The following EPAS1 variants were observed in gnomAD, a reference collection of about 807,000 sequenced individuals.
EPAS1 encodes the protein endothelial PAS domain-containing protein 1.
In EPAS1, 23 loss-of-function variants were observed where a neutral mutation model predicts 87.9. That is an observed-to-expected ratio of 0.26 (90% CI 0.19 to 0.37). The LOEUF (loss-of-function observed/expected upper bound fraction) is 0.37, where lower values mean the gene tolerates loss of function less well. Among genes scored for constraint, EPAS1 ranks in the 10% least tolerant of loss-of-function variants. EPAS1 has a pLI of 1.00. For synonymous variants in EPAS1, 508 were observed against 444.3 expected, an observed-to-expected ratio of 1.14 and a Z score of -1.80; for missense variants, 1,138 against 1,120.7, an observed-to-expected ratio of 1.02 and a Z score of -0.22.
Position 46,386,091 on chromosome 2 carries a change from G to T in EPAS1, c.*1431G>T, listed in dbSNP as rs1319750964. 1 of 152,696 alleles carries T rather than the reference G, an allele frequency of 6.5e-6. No individual in the cohort carries two copies. The highest frequency in any genetic ancestry group is 2.4e-5 in the African/African-American group (1 of 41,454). The allele number at this position is 152,696 out of a possible 1,614,324, so 9.5% of individuals were successfully genotyped here. ...CTCCAGGGATGGCCCCTAGCCACAG[G>T]CCCTGGCTGAGGTCTCTGGGTCGGT... On this transcript the variant is annotated 3_prime_UTR_variant, in exon 16 of 16. Transcript: ENST00000263734.
chr2:46,309,664 A>G (rs780588542), intron 1 of EPAS1, among the ~76,000 whole-genome samples: 2 of 152,222 alleles, frequency 1.3e-5, no homozygotes, highest in Admixed American at 6.5e-5. Context: ...TTGCGTAAGT[A>G]AAATGAGAAG....
At chr2:46,378,163 T>A in intron 10 of EPAS1, 76 bp downstream of exon 10, 2 of 1,534,074 alleles carry the variant, frequency 1.3e-6, no homozygotes, top group South Asian at 2.4e-5. Flanking sequence ...TGAAGGGACA[T>A]TTGGGACAGG....
At chr2:46,343,427 G>A (rs1405938466) in intron 1 of EPAS1, among the ~76,000 whole-genome samples, 1 of 152,226 alleles carries the variant, frequency 6.6e-6, no homozygotes, top group Non-Finnish European at 1.5e-5. Context: ...TACAGTAAAT[G>A]ATAGTCTCCT....
At chr2:46,322,044 C>T (rs1006909911) in intron 1 of EPAS1, among the ~76,000 whole-genome samples, 3 of 152,038 alleles carry the variant, frequency 2.0e-5, no homozygotes, top group Non-Finnish European at 4.4e-5. Flanking sequence ...GTATAGGTAC[C>T]CTTCCCTGAA....
rs1039910825 is a variant in EPAS1 at position 46,300,264 on chromosome 2, G to A, written c.26+2327G>A. Among the ~76,000 whole-genome samples the A allele has an allele frequency of 6.6e-6, 1 of 152,220 alleles. No individual in the cohort carries two copies. The highest frequency in any genetic ancestry group is 2.4e-5 in the African/African-American group (1 of 41,446). On this transcript the variant is annotated intron_variant, in intron 1 of 15. Transcript: ENST00000263734. The surrounding 1 kb of genome is among the most constrained non-coding windows in gnomAD (Gnocchi z 4.1). ...TCTGAGTGCCTCACAAGGGCGATGT[G>A]ACAGTGAGGGGGCTCTCTGCTGATG...
chr2:46,339,981 C>A (rs893722514), intron 1 of EPAS1, among the ~76,000 whole-genome samples: 15 of 152,200 alleles, frequency 9.9e-5, no homozygotes, highest in African/African-American at 3.6e-4. Context: ...GGGATTTCAA[C>A]ATAAGTATTT....
intron 1 of EPAS1, among the ~76,000 whole-genome samples, chr2:46,329,691 G>GGCA (rs1683637130): frequency 1.3e-5 from 2 of 151,914 alleles, no homozygotes; most frequent in African/African-American, 4.8e-5. Context: ...GTGCAGTGGT[G>GGCA]GGCACCTGTA....
At chr2:46,342,863 A>G (rs940929945) in intron 1 of EPAS1, among the ~76,000 whole-genome samples, 1 of 152,132 alleles carries the variant, frequency 6.6e-6, no homozygotes, top group East Asian at 1.9e-4. Context: ...GTTTTGTTTT[A>G]TCTTTTGACT....
intron 4 of EPAS1, among the ~76,000 whole-genome samples, chr2:46,357,881 A>T (rs1325608539): frequency 6.6e-6 from 1 of 152,240 alleles, no homozygotes; most frequent in Non-Finnish European, 1.5e-5. Context: ...AACTGTGGCC[A>T]TTCAACAAAG....
At chr2:46,308,802 G>T (rs563955479) in intron 1 of EPAS1, among the ~76,000 whole-genome samples, 1 of 152,284 alleles carries the variant, frequency 6.6e-6, no homozygotes, top group East Asian at 1.9e-4. Context: ...AGCAAGATGG[G>T]GAAGTTGTGC....
rs373599061 is a variant in EPAS1, at chr2:46,347,894, C to T, written c.217+831C>T. On this transcript the variant is annotated intron_variant, in intron 2 of 15. Transcript: ENST00000263734. The surrounding 1 kb of genome is among the most constrained non-coding windows in gnomAD (Gnocchi z 4.2). Reference sequence around the variant, plus strand: ...GGACGCTGGGCAACGAGTTGTGCTCCTCCCCACCTGGTCTGGTGCCACAGG... The same window carrying T: ...GGACGCTGGGCAACGAGTTGTGCTCTTCCCCACCTGGTCTGGTGCCACAGG... 1.2e-4 allele frequency among the ~76,000 whole-genome samples: 18 copies of T among 152,314 alleles called. No homozygotes were observed. Among genetic ancestry groups the T allele is most frequent in the African/African-American group, 4.1e-4 (17 of 41,556 alleles).
At chr2:46,303,573 A>G (rs1683051986) in intron 1 of EPAS1, among the ~76,000 whole-genome samples, 1 of 152,192 alleles carries the variant, frequency 6.6e-6, no homozygotes, top group Admixed American at 6.5e-5. Context: ...GGAGACAGCT[A>G]TGACTCCAGG....
chr2:46,353,032 A>G (rs1684202510), intron 2 of EPAS1, among the ~76,000 whole-genome samples: 1 of 152,206 alleles, frequency 6.6e-6, no homozygotes, highest in South Asian at 2.1e-4. Flanking sequence ...TCTTGGGATT[A>G]CTTCAGATTT....
At position 46,385,023 on chromosome 2, in the gene EPAS1, T is replaced by C. The variant is rs545328106; in HGVS notation, c.*363T>C. 7.1e-5 allele frequency: 19 copies of C among 266,296 alleles called. No homozygotes were observed. In the East Asian group the frequency reaches 1.5e-3, roughly 21 times the overall value. The allele number at this position is 266,296 out of a possible 1,614,324, so 16.5% of individuals were successfully genotyped here. ...AGTTTGGTGCATGTCTGTTCTTCTG[T>C]AGGGAGAAGCTTTAGCTTCATTTTA... On this transcript the variant is annotated 3_prime_UTR_variant, in exon 16 of 16. Coordinates refer to ENST00000263734, the MANE Select transcript of EPAS1 (RefSeq NM_001430.5).
chr2:46,369,407 T>C (rs1255508691), intron 6 of EPAS1, among the ~76,000 whole-genome samples: 1 of 152,148 alleles, frequency 6.6e-6, no homozygotes, highest in African/African-American at 2.4e-5. Context: ...GAGGCCCCAG[T>C]TTTCATTCTT....
intron 6 of EPAS1, among the ~76,000 whole-genome samples, chr2:46,366,862 C>T (rs1323354190): frequency 6.6e-6 from 1 of 152,234 alleles, no homozygotes; most frequent in Admixed American, 6.5e-5. Flanking sequence ...ACCTTATAAA[C>T]AAGCTCGGTT....
chr2:46,335,700 C>T (rs1169335954), intron 1 of EPAS1: 1 of 151,792 alleles, frequency 6.6e-6, no homozygotes, highest in Non-Finnish European at 1.5e-5. Context: ...TCCGAAGCGC[C>T]CCACCCCCAC....
intron 6 of EPAS1, among the ~76,000 whole-genome samples, chr2:46,368,349 A>G (rs971030618): frequency 6.6e-6 from 1 of 152,140 alleles, no homozygotes; most frequent in African/African-American, 2.4e-5. Flanking sequence ...TTTTCCAGGC[A>G]TAGGGAACTG....
chr2:46,382,587 A>C lies in EPAS1; in HGVS notation c.2450A>C (p.His817Pro). 2 of 1,614,086 alleles carry C rather than the reference A, an allele frequency of 1.2e-6. No homozygotes were observed. The highest frequency in any genetic ancestry group is 8.5e-7 in the Non-Finnish European group (1 of 1,180,036). ...CAGGACTACAGCCTGTCGTCAGCCC[A>C]CAAGGTGTCAGGTGGGTGTGCCCAG... ...QYQDYSLSSA[H>P]KVSGMASRLL... is the part of the protein sequence containing the mutation. Residue 817 changes from histidine (H) to proline (P), a missense_variant, in exon 15 of 16, where the codon CAC (histidine) becomes CCC (proline). Physicochemically the swap from His to Pro is moderately conservative, Grantham distance 77 (BLOSUM62 -2). Coordinates refer to ENST00000263734, the MANE Select transcript of EPAS1 (RefSeq NM_001430.5).
Sources: allele counts gnomAD v4.1 joint callset (sites outside exome capture counted in the v4.1 genomes callset), GRCh38; gene constraint gnomAD v4.1.1; non-coding constraint Gnocchi (gnomAD v3.1); transcripts MANE v1.5; gene names NCBI Gene and HGNC (gene_info 2026-07-23, HGNC 2026-07-21).